Variants in CFAP92 observed in about 807,000 individuals in gnomAD.
CFAP92 encodes uncharacterized protein CFAP92.
A neutral mutation model predicts 106.3 loss-of-function variants in CFAP92; 86 were observed. The observed-to-expected ratio is 0.81, with a 90% CI of 0.68 to 0.97. The LOEUF (loss-of-function observed/expected upper bound fraction) is 0.97, where lower values mean the gene tolerates loss of function less well. Among genes scored for constraint, CFAP92 ranks in the 50% least tolerant of loss-of-function variants. The pLI is 0.00. For synonymous variants in CFAP92, 477 were observed against 506.4 expected (o/e 0.94, Z 0.78); for missense variants, 1,204 against 1,283.8 (o/e 0.94, Z 0.95).
At chr3:129,020,508 G>A in the CFAP92 span, among the ~76,000 whole-genome samples, 5 of 152,142 alleles carry the variant, frequency 3.3e-5, no homozygotes, top group African/African-American at 1.2e-4. Context: ...ATGGTGGCCT[G>A]CACCTGTGGT....
At chr3:128,910,889 C>A in intron 15 of CFAP92, 2 of 1,533,720 alleles carry the variant, frequency 1.3e-6, no homozygotes, top group Non-Finnish European at 1.8e-6. Flanking sequence ...GTTTCTGGAC[C>A]CTGTCAAGCT....
intron 12 of CFAP92, among the ~76,000 whole-genome samples, chr3:128,927,241 G>C (rs1937762647): frequency 6.6e-6 from 1 of 152,072 alleles, no homozygotes; most frequent in South Asian, 2.1e-4. Flanking sequence ...CTTAATTTTG[G>C]ACGTTCCAGC....
At chr3:128,925,790 C>T (rs1937604490) in intron 12 of CFAP92, among the ~76,000 whole-genome samples, 1 of 151,980 alleles carries the variant, frequency 6.6e-6, no homozygotes, top group Non-Finnish European at 1.5e-5. Flanking sequence ...AAAATAAAAA[C>T]AAAAAATTTA....
At position 128,960,673 on chromosome 3, in the gene CFAP92, G is replaced by A. The variant is rs1356902053; in HGVS notation, c.1353+4838C>T. ...CAAGGGTGTCAGACCACGCAGGGAC[G>A]CCTGCCTTGGTCCTTCACCCTTAGC... On this transcript the variant is annotated intron_variant, in intron 9 of 15. Transcript: ENST00000645291. Among the ~76,000 whole-genome samples the A allele has an allele frequency of 2.6e-5, 4 of 152,248 alleles. No homozygotes were observed. In the South Asian group the frequency reaches 6.2e-4, roughly 24 times the overall value.
At chr3:128,963,863 C>T (rs1942154727) in intron 9 of CFAP92, among the ~76,000 whole-genome samples, 4 of 151,374 alleles carry the variant, frequency 2.6e-5, no homozygotes, top group African/African-American at 9.7e-5. Flanking sequence ...CCCCTCCCTT[C>T]CCTACACATC....
the CFAP92 span, among the ~76,000 whole-genome samples, chr3:129,019,749 C>T: frequency 1.1e-4 from 16 of 141,810 alleles, no homozygotes; most frequent in Non-Finnish European, 1.7e-4. Context: ...TTTTATTTAA[C>T]TTTGATTAAA....
intron 15 of CFAP92, among the ~76,000 whole-genome samples, chr3:128,914,462 G>T (rs1290646564): frequency 6.6e-6 from 1 of 152,238 alleles, no homozygotes; most frequent in Non-Finnish European, 1.5e-5. Context: ...AGGAGAGGAA[G>T]CCATCACGTT....
intron 9 of CFAP92, among the ~76,000 whole-genome samples, chr3:128,956,374 G>GA (rs1941423703): frequency 6.6e-6 from 1 of 151,692 alleles, no homozygotes; most frequent in Non-Finnish European, 1.5e-5. Flanking sequence ...AAGGAGAGGA[G>GA]AAAAAAGGTG....
chr3:128,961,076 C>A (rs1170786261), intron 9 of CFAP92, among the ~76,000 whole-genome samples: 1 of 152,214 alleles, frequency 6.6e-6, no homozygotes, highest in Non-Finnish European at 1.5e-5. Flanking sequence ...TGACCTAAAA[C>A]CTAAATGCCT....
At chr3:128,938,423 G>A (rs1481546099) in intron 10 of CFAP92, among the ~76,000 whole-genome samples, 2 of 151,678 alleles carry the variant, frequency 1.3e-5, no homozygotes, top group East Asian at 1.9e-4. Flanking sequence ...ATCATAGATA[G>A]TGGGGAAACA....
chr3:128,934,162 T>C (rs1321907374), intron 11 of CFAP92, among the ~76,000 whole-genome samples: 6 of 152,164 alleles, frequency 3.9e-5, no homozygotes, highest in Non-Finnish European at 8.8e-5. Flanking sequence ...GCTTCTGAAC[T>C]GTAGCCTCCT....
the CFAP92 span, among the ~76,000 whole-genome samples, chr3:129,016,348 G>A: frequency 1.3e-5 from 2 of 152,142 alleles, no homozygotes; most frequent in African/African-American, 2.4e-5. Context: ...ACAGAAGGGT[G>A]TGGAATCCAT....
At chr3:128,999,873 C>T (rs1944643180) in intron 1 of CFAP92, among the ~76,000 whole-genome samples, 1 of 152,208 alleles carries the variant, frequency 6.6e-6, no homozygotes, top group Admixed American at 6.5e-5. Context: ...AACATCTTAA[C>T]AAAAGGGAAA....
intron 12 of CFAP92, among the ~76,000 whole-genome samples, chr3:128,921,959 C>G (rs1937326965): frequency 6.6e-6 from 1 of 152,158 alleles, no homozygotes; most frequent in African/African-American, 2.4e-5. Flanking sequence ...CCCTCAGGAA[C>G]AGTTGGTCTG....
At chr3:128,976,312 A>T (rs924762898) in intron 6 of CFAP92, among the ~76,000 whole-genome samples, 2 of 152,208 alleles carry the variant, frequency 1.3e-5, no homozygotes, top group Non-Finnish European at 2.9e-5. Context: ...AATGAACTCT[A>T]TTAAAGGACA....
At chr3:128,950,982 T>G (rs1444916671) in intron 9 of CFAP92, among the ~76,000 whole-genome samples, 2 of 152,200 alleles carry the variant, frequency 1.3e-5, no homozygotes, top group Admixed American at 6.5e-5. Context: ...CAAACAGGAC[T>G]TTTTAAGGAC....
At chr3:128,950,110 G>A (rs1940635034) in intron 9 of CFAP92, among the ~76,000 whole-genome samples, 2 of 152,202 alleles carry the variant, frequency 1.3e-5, no homozygotes, top group African/African-American at 4.8e-5. Context: ...GGATAGTTGA[G>A]GGCATCTGTG....
chr3:128,999,005 G>A (rs1308117915), upstream of CFAP92, among the ~76,000 whole-genome samples: 2 of 152,154 alleles, frequency 1.3e-5, no homozygotes, highest in Non-Finnish European at 2.9e-5. Flanking sequence ...TCCTCTCTTG[G>A]TGGCAGAATG....
Position 128,964,604 on chromosome 3 carries a change from T to A in CFAP92, c.1353+907A>T, listed in dbSNP as rs544825029. ...GACTATGCTGAATCTCCTTAGGCAC[T>A]CTCTAATCAGATGTCCTAGGTCCTC... On this transcript the variant is annotated intron_variant, in intron 9 of 15. Coordinates refer to ENST00000645291, the MANE Select transcript of CFAP92 (RefSeq NM_001394090.1). 1.4e-4 allele frequency among the ~76,000 whole-genome samples: 21 copies of A among 152,340 alleles called. No homozygotes were observed. The South Asian group carries it at 2.1e-3, about 15-fold the overall frequency.
Sources: gnomAD v4.1 joint callset for allele counts (sites outside exome capture counted in the v4.1 genomes callset) on GRCh38, gnomAD v4.1.1 for gene constraint, MANE v1.5 for transcripts, NCBI Gene and HGNC (gene_info 2026-07-23, HGNC 2026-07-21) for gene names.